HNRNPDL: variants seen among roughly 807,000 people sequenced by gnomAD.
HNRNPDL encodes the protein heterogeneous nuclear ribonucleoprotein D like, also known as heterogeneous nuclear ribonucleoprotein D-like.
Under a neutral mutation model 48.0 loss-of-function variants are expected in HNRNPDL, and 18 were observed. The ratio of observed to expected loss-of-function variants is 0.38; its 90% CI spans 0.26 to 0.56. HNRNPDL has a LOEUF of 0.56. Among genes scored for constraint, HNRNPDL ranks in the 20% least tolerant of loss-of-function variants. The pLI is 0.77. For synonymous variants in HNRNPDL, 306 were observed against 207.3 expected (o/e 1.48, Z -4.09); for missense variants, 553 against 540.7 (o/e 1.02, Z -0.23).
rs1388066022 is a variant in HNRNPDL at position 82,422,791 on chromosome 4, A to T, written c.*2115T>A. Reference sequence around the variant, plus strand: ...TTTCTATCCTCTTCCCGAGGATAACATCACACAGAATTTGGTCTAAACAAT... The same window carrying T: ...TTTCTATCCTCTTCCCGAGGATAACTTCACACAGAATTTGGTCTAAACAAT... On this transcript the variant is annotated 3_prime_UTR_variant, in exon 8 of 8. Transcript: ENST00000295470. 6.6e-6 allele frequency: 1 copy of T among 152,258 alleles called. No homozygotes were observed. The allele number at this position is 152,258 out of a possible 1,614,324, so 9.4% of individuals were successfully genotyped here.
chr4:82,428,549 G>A (rs1171966775), intron 1 of HNRNPDL, 103 bp from the exon 2 acceptor site: 1 of 857,878 alleles, frequency 1.2e-6, no homozygotes, highest in African/African-American at 1.7e-5. Flanking sequence ...TACCCCCTAA[G>A]TGTAGGCAAT....
chr4:82,428,035 A>G lies in HNRNPDL; in HGVS notation c.757T>C (p.Phe253Leu). The change falls in exon 3 of 8, where the codon TTT (phenylalanine) becomes CTT (leucine). Residue 253 changes from phenylalanine (F) to leucine (L), a missense_variant. Phe to Leu is a conservative substitution (Grantham distance 22, BLOSUM62 0). This residue lies in a region of HNRNPDL where 174 missense variants were observed against 204.6 expected (regional missense o/e 0.85). Coordinates refer to ENST00000295470, the MANE Select transcript of HNRNPDL (RefSeq NM_031372.4). ...DTSEEQIKEYFGAFGEIENIE... is the reference protein window; with the variant it reads ...DTSEEQIKEYLGAFGEIENIE... ...TCACACACCTCTCCAAAGGCTCCAAAATATTCTTTAATTTGTTCTTCAGAA... is the reference window on the plus strand; with the variant it reads ...TCACACACCTCTCCAAAGGCTCCAAGATATTCTTTAATTTGTTCTTCAGAA... The G allele has an allele frequency of 6.2e-7, 1 of 1,614,044 alleles. No individual in the cohort carries two copies. The highest frequency in any genetic ancestry group is 8.5e-7 in the Non-Finnish European group (1 of 1,179,982).
In HNRNPDL at chr4:82,428,190, GATTT is replaced by G. The variant is rs767585018; in HGVS notation, c.613-15_613-12del. ...TTTCAGTTCCAAAACCTACAAGACA[GATTT>G]ATTTAATCTGACAGCACCATATAAC... On this transcript the variant is annotated splice_polypyrimidine_tract_variant and intron_variant, in intron 2 of 7. Coordinates refer to ENST00000295470, the MANE Select transcript of HNRNPDL (RefSeq NM_031372.4). The G allele has an allele frequency of 5.0e-6, 8 of 1,612,788 alleles. No homozygotes were observed. In the South Asian group the frequency reaches 6.6e-5, roughly 13 times the overall value.
At chr4:82,426,842 G>A (rs1286116662) in intron 5 of HNRNPDL, among the ~76,000 whole-genome samples, 2 of 152,052 alleles carry the variant, frequency 1.3e-5, no homozygotes, top group East Asian at 3.9e-4. Context: ...TAAACTTAAT[G>A]GAAAATCATT....
rs138358528 is a variant in HNRNPDL, at chr4:82,424,587, AT to A, written c.*318del. 17,358 of 152,640 alleles carry A rather than the reference AT, an allele frequency of 0.11. 1,205 individuals are homozygous for A. Among genetic ancestry groups the A allele is most frequent in the African/African-American group, 0.19 (8,083 of 41,526 alleles). 9.5% of individuals were successfully genotyped at this position (152,640 alleles called of 1,614,324 possible). ...TTAATTATTGCTTATTTTAAATTACATTTTTTACAGAGCTATGTAGTACCTG... is the reference window on the plus strand; with the variant it reads ...TTAATTATTGCTTATTTTAAATTACATTTTTACAGAGCTATGTAGTACCTG... On this transcript the variant is annotated 3_prime_UTR_variant, in exon 8 of 8. Transcript: ENST00000295470.
chr4:82,429,009 G>A (rs1433825860), intron 1 of HNRNPDL, among the ~76,000 whole-genome samples: 1 of 151,284 alleles, frequency 6.6e-6, no homozygotes, highest in Admixed American at 6.6e-5. Flanking sequence ...CTGCGCGCTC[G>A]GGACACAGAC....
Position 82,427,068 on chromosome 4 carries a change from C to T in HNRNPDL, c.1021+122G>A, listed in dbSNP as rs77972030. ...CACACACAACCTCCACTAAGCTGAA[C>T]AGTCCCCCCTCCGCTGGAATGGTTT... On this transcript the variant is annotated intron_variant, in intron 5 of 7. Transcript: ENST00000295470. The T allele has an allele frequency of 6.7e-4, 523 of 776,036 alleles. 1 individual carries two copies. In the African/African-American group the frequency reaches 8.3e-3, roughly 12 times the overall value. The allele number at this position is 776,036 out of a possible 1,614,324, so 48.1% of individuals were successfully genotyped here.
intron 6 of HNRNPDL, 138 bp downstream of exon 6, chr4:82,426,325 T>C (rs1721405254): frequency 3.5e-6 from 3 of 868,532 alleles, no homozygotes; most frequent in Non-Finnish European, 5.4e-6. Context: ...ATAATCATCC[T>C]ATGATTGTAA....
chr4:82,429,191 C>T (rs1721567357), intron 1 of HNRNPDL, 57 bp downstream of exon 1: 1 of 1,534,890 alleles, frequency 6.5e-7, no homozygotes, highest in Admixed American at 1.7e-5. Context: ...TCACGAGGAA[C>T]GAAGGGCGCG....
rs578176168 is a variant in HNRNPDL, at chr4:82,428,585, T to C, written c.444-139A>G. 7.4e-4 allele frequency: 532 copies of C among 717,454 alleles called. 1 individual carries two copies. In the African/African-American group the frequency reaches 8.8e-3, roughly 12 times the overall value. 44.4% of individuals were successfully genotyped at this position (717,454 alleles called of 1,614,324 possible). On this transcript the variant is annotated intron_variant, in intron 1 of 7. Coordinates refer to ENST00000295470, the MANE Select transcript of HNRNPDL (RefSeq NM_031372.4). ...TTAATTCATGTTTACATTTAATCTA[T>C]GTCACACAAAAATCCCAATATCCCA...
rs1468763805 is a variant in HNRNPDL, at chr4:82,424,091, G to C, written c.*815C>G. On this transcript the variant is annotated 3_prime_UTR_variant, in exon 8 of 8. Coordinates refer to ENST00000295470, the MANE Select transcript of HNRNPDL (RefSeq NM_031372.4). ...ACCTTTCTACCAAAATCCTTGAGTT[G>C]TAACTACTTCCAATGCTCTTAAACC... 1.3e-5 allele frequency: 2 copies of C among 152,156 alleles called. No individual in the cohort carries two copies. The highest frequency in any genetic ancestry group is 6.5e-5 in the Admixed American group (1 of 15,278). 9.4% of individuals were successfully genotyped at this position (152,156 alleles called of 1,614,324 possible).
At chr4:82,428,207 A>T (rs1203350214) in intron 2 of HNRNPDL, 28 bp from the exon 3 acceptor site, 3 of 1,611,836 alleles carry the variant, frequency 1.9e-6, no homozygotes, top group African/African-American at 1.3e-5. Flanking sequence ...TTAATCTGAC[A>T]GCACCATATA....
chr4:82,426,704 T>C, intron 5 of HNRNPDL, 71 bp from the exon 6 acceptor site: 1 of 1,270,148 alleles, frequency 7.9e-7, no homozygotes. Flanking sequence ...TGATGCGTTC[T>C]TGTCTCTCAC....
At chr4:82,427,042 C>CCA in intron 5 of HNRNPDL, 148 bp downstream of exon 5, 1 of 713,200 alleles carries the variant, frequency 1.4e-6, no homozygotes, top group Non-Finnish European at 2.5e-6. Flanking sequence ...CAAAAAACCA[C>CCA]CACACACAAC....
chr4:82,427,764 T>C (rs1274492752), intron 3 of HNRNPDL, among the ~76,000 whole-genome samples, 200 bp from the exon 4 acceptor site: 3 of 152,250 alleles, frequency 2.0e-5, no homozygotes, highest in African/African-American at 7.2e-5. Flanking sequence ...ATTAATATTA[T>C]TTTGTACCCA....
Position 82,426,045 on chromosome 4 carries a change from T to C in HNRNPDL, c.*14A>G. The C allele has an allele frequency of 1.3e-6, 2 of 1,595,956 alleles. No individual in the cohort carries two copies. Among genetic ancestry groups the C allele is most frequent in the Non-Finnish European group, 1.7e-6 (2 of 1,163,810 alleles). ...TGTACTCTTATACACACCTGTTTTC[T>C]CCAATGTTCTCCTTTAGTATGGCTG... On this transcript the variant is annotated 3_prime_UTR_variant, in exon 7 of 8. Transcript: ENST00000295470.
Position 82,429,620 on chromosome 4 carries a change from G to A in HNRNPDL, c.71C>T (p.Ser24Phe). 1.4e-6 allele frequency: 2 copies of A among 1,381,314 alleles called. No homozygotes were observed. The highest frequency in any genetic ancestry group is 1.9e-6 in the Non-Finnish European group (2 of 1,070,294). The allele number at this position is 1,381,314 out of a possible 1,614,324, so 85.6% of individuals were successfully genotyped here. A position where few individuals can be genotyped will look rare whatever the true frequency, so the allele number is the denominator to read the frequency against. The change falls in exon 1 of 8, where the codon TCC (serine) becomes TTC (phenylalanine). Residue 24 changes from serine to phenylalanine, a missense_variant. Physicochemically the swap from Ser to Phe is radical, Grantham distance 155. Around this residue, in one of 4 missense-constraint regions of HNRNPDL, gnomAD observed 327 missense variants for 203.2 expected, o/e 1.61. Coordinates refer to ENST00000295470, the MANE Select transcript of HNRNPDL (RefSeq NM_031372.4). ...CGGCCGCCAATGGGAGAGGCTGCGGGAGGCTAAAGTAGCGGGAGCGGAGGG... is the reference window on the plus strand; with the variant it reads ...CGGCCGCCAATGGGAGAGGCTGCGGAAGGCTAAAGTAGCGGGAGCGGAGGG... Reference protein sequence around the residue: ...LFPSAPATLASRSLSHWRPRP... With the variant: ...LFPSAPATLAFRSLSHWRPRP...
intron 1 of HNRNPDL, among the ~76,000 whole-genome samples, chr4:82,428,987 C>A (rs1430896651): frequency 6.6e-6 from 1 of 152,120 alleles, no homozygotes; most frequent in African/African-American, 2.4e-5. Context: ...CCCCCCGGGT[C>A]CCACGCGGCG....
rs368496309 is a variant in HNRNPDL, at chr4:82,429,389, G to C, written c.302C>G (p.Ala101Gly). ...KSSSIQRSAA[A>G]AAATRTARQH... The stretch of plus-strand genomic sequence containing the variant: ...GCGCGCAGTCCGGGTCGCGGCAGCA[G>C]CGGCGGCGGAGCGTTGTATGGAGCT... The change falls in exon 1 of 8, where the codon GCT becomes GGT. Residue 101 changes from alanine (A) to glycine (G), a missense_variant. By Grantham distance (60) the Ala-to-Gly change is moderately conservative. Around this residue, in one of 4 missense-constraint regions of HNRNPDL, gnomAD observed 327 missense variants for 203.2 expected, o/e 1.61. Transcript: ENST00000295470. 6.2e-7 allele frequency: 1 copy of C among 1,613,532 alleles called. No individual in the cohort carries two copies. The highest frequency in any genetic ancestry group is 2.2e-5 in the East Asian group (1 of 44,824).
Sources: allele counts gnomAD v4.1 joint callset (sites outside exome capture counted in the v4.1 genomes callset), GRCh38; gene constraint gnomAD v4.1.1; regional missense constraint gnomAD v4.1.1; transcripts MANE v1.5; gene names NCBI Gene and HGNC (gene_info 2026-07-23, HGNC 2026-07-21).